Variants in RALA observed in about 807,000 individuals in gnomAD.
The protein encoded by RALA is ras-related protein Ral-A.
A neutral mutation model predicts 24.0 loss-of-function variants in RALA; 5 were observed. The ratio of observed to expected loss-of-function variants is 0.21; its 90% CI spans 0.11 to 0.44. The LOEUF (loss-of-function observed/expected upper bound fraction) is 0.44. Among genes scored for constraint, RALA ranks in the 20% least tolerant of loss-of-function variants. The pLI is 0.99. For missense variants in RALA, 95 were observed against 241.2 expected, an observed-to-expected ratio of 0.39 and a Z score of 4.01; for synonymous variants, 77 against 83.8, an observed-to-expected ratio of 0.92 and a Z score of 0.44.
At chr7:39,678,970 A>G (rs986047992) in intron 1 of RALA, among the ~76,000 whole-genome samples, 2 of 152,214 alleles carry the variant, frequency 1.3e-5, no homozygotes, top group African/African-American at 4.8e-5. Flanking sequence ...CCATTTTAAA[A>G]AAAAATCCTT....
intron 4 of RALA, among the ~76,000 whole-genome samples, chr7:39,701,705 C>T (rs1793030428): frequency 6.6e-6 from 1 of 152,214 alleles, no homozygotes; most frequent in Non-Finnish European, 1.5e-5. Flanking sequence ...GCGTTATCCT[C>T]ATCTGGAGTC....
chr7:39,681,302 C>CTTTTTTTTCTTTTTTTTT (rs1792594918), intron 1 of RALA, among the ~76,000 whole-genome samples: 1 of 50,008 alleles, frequency 2.0e-5, no homozygotes, highest in Non-Finnish European at 3.6e-5. Flanking sequence ...CACCCTATTC[C>CTTTTTTTTCTTTTTTTTT]TTTTTTTTTT....
intron 1 of RALA, among the ~76,000 whole-genome samples, chr7:39,659,838 G>A (rs547968930): frequency 3.2e-4 from 48 of 152,280 alleles, no homozygotes; most frequent in African/African-American, 1.2e-3. Flanking sequence ...CCTTAAAAAT[G>A]AGTTGCACTT....
intron 1 of RALA, among the ~76,000 whole-genome samples, chr7:39,630,415 A>T (rs2115912591): frequency 6.6e-6 from 1 of 152,112 alleles, no homozygotes; most frequent in African/African-American, 2.4e-5. Context: ...AGTTCTCTCT[A>T]TTTAAGAATA....
chr7:39,681,988 C>T (rs564415098), intron 1 of RALA, among the ~76,000 whole-genome samples: 1 of 152,288 alleles, frequency 6.6e-6, no homozygotes, highest in South Asian at 2.1e-4. Flanking sequence ...CCCATCCAGT[C>T]AATCAGGAAG....
chr7:39,671,269 T>C (rs1792382341), intron 1 of RALA, among the ~76,000 whole-genome samples: 1 of 152,196 alleles, frequency 6.6e-6, no homozygotes, highest in East Asian at 1.9e-4. Context: ...TTGGCCCTTT[T>C]ACTTTTTATA....
chr7:39,702,473 G>T (rs560079144), intron 4 of RALA, among the ~76,000 whole-genome samples: 2 of 152,296 alleles, frequency 1.3e-5, no homozygotes, highest in South Asian at 4.1e-4. Context: ...CCATGTCACT[G>T]CATATAGATG....
At chr7:39,673,175 G>A (rs558702559) in intron 1 of RALA, among the ~76,000 whole-genome samples, 3 of 152,094 alleles carry the variant, frequency 2.0e-5, no homozygotes, top group African/African-American at 2.4e-5. Flanking sequence ...GCGACAGAGC[G>A]AGACTCTGTC....
chr7:39,633,689 T>C (rs894644260), intron 1 of RALA, among the ~76,000 whole-genome samples: 4 of 152,162 alleles, frequency 2.6e-5, no homozygotes, highest in Non-Finnish European at 5.9e-5. Context: ...AGAGTACATA[T>C]CTGTGGGTGG....
intron 1 of RALA, among the ~76,000 whole-genome samples, chr7:39,650,131 G>T (rs1197888566): frequency 6.6e-6 from 1 of 152,134 alleles, no homozygotes; most frequent in East Asian, 1.9e-4. Flanking sequence ...GGATGAAAGG[G>T]GGAGAATTTC....
chr7:39,675,015 G>A (rs1399599352), intron 1 of RALA, among the ~76,000 whole-genome samples: 1 of 151,856 alleles, frequency 6.6e-6, no homozygotes, highest in South Asian at 2.1e-4. Context: ...CAGTGGAGAC[G>A]GGGTTTCACC....
chr7:39,674,360 AT>A (rs1037711648), intron 1 of RALA, among the ~76,000 whole-genome samples: 4 of 152,046 alleles, frequency 2.6e-5, no homozygotes, highest in South Asian at 2.1e-4. Context: ...TACTCATATG[AT>A]TTTTTTCATC....
At chr7:39,665,386 T>A in intron 1 of RALA, among the ~76,000 whole-genome samples, 1 of 152,216 alleles carries the variant, frequency 6.6e-6, no homozygotes, top group African/African-American at 2.4e-5. Context: ...ATATAACATA[T>A]GTGTTAATCA....
chr7:39,682,015 T>C (rs1375183889), intron 1 of RALA, among the ~76,000 whole-genome samples: 1 of 152,242 alleles, frequency 6.6e-6, no homozygotes, highest in East Asian at 1.9e-4. Flanking sequence ...CAACTGTTTC[T>C]TCAAAATGTA....
intron 4 of RALA, 120 bp downstream of exon 4, chr7:39,696,979 T>C: frequency 1.0e-6 from 1 of 972,358 alleles, no homozygotes; most frequent in Non-Finnish European, 1.5e-6. Flanking sequence ...CTTGTTGATT[T>C]TTATCATCCC....
At chr7:39,682,525 G>A (rs1356099650) in intron 1 of RALA, among the ~76,000 whole-genome samples, 1 of 152,188 alleles carries the variant, frequency 6.6e-6, no homozygotes, top group Non-Finnish European at 1.5e-5. Flanking sequence ...CACTTCCGGG[G>A]CCTTCAAGGC....
At chr7:39,694,285 A>G (rs1455929337) in intron 3 of RALA, among the ~76,000 whole-genome samples, 1 of 152,228 alleles carries the variant, frequency 6.6e-6, no homozygotes, top group African/African-American at 2.4e-5. Context: ...TAAAAAAGTG[A>G]CATCCAAATT....
intron 1 of RALA, among the ~76,000 whole-genome samples, chr7:39,629,239 C>T (rs977911525): frequency 5.3e-5 from 8 of 152,208 alleles, no homozygotes; most frequent in Non-Finnish European, 4.4e-5. Context: ...CTCACAGCCT[C>T]ACCAGCAGTG....
chr7:39,701,719 ATAGACCAT>A (rs1793030736), intron 4 of RALA, among the ~76,000 whole-genome samples: 1 of 152,218 alleles, frequency 6.6e-6, no homozygotes, highest in Non-Finnish European at 1.5e-5. Flanking sequence ...TGGAGTCCAA[ATAGACCAT>A]TAGGTGGAAG....
Sources: allele counts gnomAD v4.1 joint callset (sites outside exome capture counted in the v4.1 genomes callset), GRCh38; gene constraint gnomAD v4.1.1; transcripts MANE v1.5; gene names NCBI Gene and HGNC (gene_info 2026-07-23, HGNC 2026-07-21).